LRRTM4: variants seen among roughly 807,000 people sequenced by gnomAD.
The protein encoded by LRRTM4 is leucine rich repeat transmembrane neuronal 4.
LRRTM4 carries 25 observed loss-of-function variants against 47.6 expected under a neutral mutation model. The ratio of observed to expected loss-of-function variants is 0.53; its 90% CI spans 0.38 to 0.73. The LOEUF (loss-of-function observed/expected upper bound fraction) is 0.73, where lower values mean the gene tolerates loss of function less well. LRRTM4 is among the 30% of genes least tolerant of loss of function. The pLI is 0.00. For missense variants in LRRTM4, 638 were observed against 713.4 expected (o/e 0.89, Z 1.20); for synonymous variants, 311 against 269.5 (o/e 1.15, Z -1.51).
chr2:76,793,122 C>G (rs17013188), intron 3 of LRRTM4, among the ~76,000 whole-genome samples: 64,048 of 151,994 alleles, frequency 0.42, 14,118 homozygotes, highest in East Asian at 0.65. Context: ...TTAATATTTT[C>G]CCTCAAGTCT....
chr2:76,957,565 CAAG>C (rs1157975304), intron 3 of LRRTM4, among the ~76,000 whole-genome samples: 4 of 151,716 alleles, frequency 2.6e-5, no homozygotes, highest in African/African-American at 7.3e-5. Context: ...TTAACAATTT[CAAG>C]AAGAATCCCT....
intron 3 of LRRTM4, among the ~76,000 whole-genome samples, chr2:77,379,285 T>A (rs1341398489): frequency 6.6e-6 from 1 of 152,102 alleles, no homozygotes; most frequent in East Asian, 1.9e-4. Context: ...TATTAACGAT[T>A]TTTTCCCCCG....
chr2:77,479,291 A>G (rs1677559377), intron 3 of LRRTM4, among the ~76,000 whole-genome samples: 1 of 152,096 alleles, frequency 6.6e-6, no homozygotes, highest in Admixed American at 6.6e-5. Flanking sequence ...GATTTTTTTT[A>G]TATGAAAGTA....
intron 3 of LRRTM4, among the ~76,000 whole-genome samples, chr2:76,881,792 T>A (rs1672937501): frequency 6.6e-6 from 1 of 152,164 alleles, no homozygotes; most frequent in African/African-American, 2.4e-5. Flanking sequence ...GTTAAACTTT[T>A]TTCCTATTCC....
chr2:77,259,391 A>G (rs1233440300), intron 3 of LRRTM4, among the ~76,000 whole-genome samples: 1 of 152,096 alleles, frequency 6.6e-6, no homozygotes, highest in Admixed American at 6.6e-5. Flanking sequence ...ATTTCTCAAT[A>G]TATATTAGCT....
At chr2:77,271,447 T>A (rs1676188692) in intron 3 of LRRTM4, among the ~76,000 whole-genome samples, 1 of 152,188 alleles carries the variant, frequency 6.6e-6, no homozygotes. Flanking sequence ...CTTGTTCCTG[T>A]GCCAGCACCT....
At chr2:76,773,611 C>A (rs1440270299) in intron 3 of LRRTM4, among the ~76,000 whole-genome samples, 1 of 151,112 alleles carries the variant, frequency 6.6e-6, no homozygotes, top group Non-Finnish European at 1.5e-5. Flanking sequence ...AAAGGAACAA[C>A]TAAAAATAAA....
intron 3 of LRRTM4, among the ~76,000 whole-genome samples, chr2:76,844,117 G>A (rs895923231): frequency 2.7e-4 from 41 of 150,976 alleles, no homozygotes; most frequent in Non-Finnish European, 5.0e-4. Flanking sequence ...TAGCCAGGAT[G>A]GTCTCGATCT....
intron 3 of LRRTM4, among the ~76,000 whole-genome samples, chr2:76,781,066 C>G (rs12992180): frequency 0.011 from 1,593 of 147,444 alleles, 35 homozygotes; most frequent in African/African-American, 0.037. Flanking sequence ...CCCAGTTAGG[C>G]TGTTCTGGGG....
At chr2:76,963,229 A>G (rs560925264) in intron 3 of LRRTM4, among the ~76,000 whole-genome samples, 1 of 151,114 alleles carries the variant, frequency 6.6e-6, no homozygotes, top group African/African-American at 2.4e-5. Flanking sequence ...TAAAATTAAT[A>G]TAACAATTTT....
chr2:77,155,203 T>G (rs2103794005), intron 3 of LRRTM4, among the ~76,000 whole-genome samples: 1 of 152,168 alleles, frequency 6.6e-6, no homozygotes, highest in East Asian at 1.9e-4. Context: ...TATAAATATT[T>G]AATTTTTATT....
chr2:76,937,908 T>G (rs1029015601), intron 3 of LRRTM4, among the ~76,000 whole-genome samples: 2 of 152,006 alleles, frequency 1.3e-5, no homozygotes, highest in Non-Finnish European at 2.9e-5. Flanking sequence ...TTAATACCAA[T>G]TGCATAGTAT....
intron 3 of LRRTM4, among the ~76,000 whole-genome samples, chr2:76,872,126 T>C (rs900560656): frequency 1.3e-5 from 2 of 152,180 alleles, no homozygotes; most frequent in Admixed American, 6.5e-5. Context: ...TACCAATAGA[T>C]AACTAATACA....
intron 3 of LRRTM4, among the ~76,000 whole-genome samples, chr2:77,054,575 C>A (rs1303513963): frequency 6.6e-6 from 1 of 152,104 alleles, no homozygotes; most frequent in Non-Finnish European, 1.5e-5. Flanking sequence ...AGGATAGGTA[C>A]AAGCCAGAGA....
At chr2:77,207,912 T>C (rs1406148583) in intron 3 of LRRTM4, among the ~76,000 whole-genome samples, 2 of 145,626 alleles carry the variant, frequency 1.4e-5, no homozygotes, top group Non-Finnish European at 3.0e-5. Flanking sequence ...TAGTCTTGCT[T>C]TTTTCACCCA....
At chr2:76,902,127 A>G (rs1315686175) in intron 3 of LRRTM4, among the ~76,000 whole-genome samples, 1 of 152,178 alleles carries the variant, frequency 6.6e-6, no homozygotes, top group Non-Finnish European at 1.5e-5. Flanking sequence ...AGAGAAAATA[A>G]TACAATAGAA....
chr2:76,924,871 A>G (rs1374365009), intron 3 of LRRTM4, among the ~76,000 whole-genome samples: 1 of 152,022 alleles, frequency 6.6e-6, no homozygotes, highest in African/African-American at 2.4e-5. Context: ...CTTTCAATCC[A>G]ATTTCATATA....
chr2:76,847,023 G>A (rs910426616), intron 3 of LRRTM4, among the ~76,000 whole-genome samples: 1 of 152,112 alleles, frequency 6.6e-6, no homozygotes, highest in Non-Finnish European at 1.5e-5. Context: ...GATTTTGGAA[G>A]ACAACAGGTA....
At chr2:76,908,078 G>C (rs1456595522) in intron 3 of LRRTM4, among the ~76,000 whole-genome samples, 1 of 151,764 alleles carries the variant, frequency 6.6e-6, no homozygotes, top group African/African-American at 2.4e-5. Context: ...GATGAACATT[G>C]ATGCAAAAAT....
Sources: gnomAD v4.1 joint callset for allele counts (sites outside exome capture counted in the v4.1 genomes callset) on GRCh38, gnomAD v4.1.1 for gene constraint, MANE v1.5 for transcripts, NCBI Gene and HGNC (gene_info 2026-07-23, HGNC 2026-07-21) for gene names.